The following PHC3 variants were observed in gnomAD, a reference collection of about 807,000 sequenced individuals.
The protein encoded by PHC3 is polyhomeotic homolog 3.
PHC3 carries 13 observed loss-of-function variants against 107.4 expected under a neutral mutation model. The ratio of observed to expected loss-of-function variants is 0.12; its 90% CI spans 0.08 to 0.19. The LOEUF is 0.19. Ranked by LOEUF, PHC3 falls within the 10% of genes least tolerant of loss-of-function variation. The pLI, the probability that PHC3 is intolerant of heterozygous loss-of-function variation, is 1.00. For synonymous variants in PHC3, 456 were observed against 427.4 expected (o/e 1.07, Z -0.83); for missense variants, 992 against 1,210.9 (o/e 0.82, Z 2.68).
At chr3:170,158,791 G>A (rs979665713) in intron 4 of PHC3, among the ~76,000 whole-genome samples, 1 of 151,646 alleles carries the variant, frequency 6.6e-6, no homozygotes, top group Non-Finnish European at 1.5e-5. Context: ...GTCAGGTGTG[G>A]TGGCACACGA....
intron 6 of PHC3, among the ~76,000 whole-genome samples, chr3:170,140,167 A>G (rs1723799739): frequency 6.7e-6 from 1 of 149,594 alleles, no homozygotes; most frequent in Admixed American, 6.6e-5. Flanking sequence ...TTTTTTCCTC[A>G]ATTCTAAGAG....
chr3:170,155,491 C>A (rs1288552148), intron 4 of PHC3, among the ~76,000 whole-genome samples: 1 of 152,152 alleles, frequency 6.6e-6, no homozygotes, highest in African/African-American at 2.4e-5. Flanking sequence ...GAAGCTGAGA[C>A]AGGTGGATAG....
chr3:170,156,103 C>T (rs771277809), intron 4 of PHC3, among the ~76,000 whole-genome samples: 7 of 152,024 alleles, frequency 4.6e-5, no homozygotes, highest in African/African-American at 9.7e-5. Flanking sequence ...GAGTAAAATG[C>T]TATATAGAAA....
chr3:170,163,427 T>C (rs1728215884), intron 4 of PHC3, among the ~76,000 whole-genome samples: 1 of 151,734 alleles, frequency 6.6e-6, no homozygotes, highest in Non-Finnish European at 1.5e-5. Flanking sequence ...CACATAATCC[T>C]TTCCATCTGA....
chr3:170,167,038 T>G (rs976403170), intron 4 of PHC3, among the ~76,000 whole-genome samples: 5 of 152,262 alleles, frequency 3.3e-5, no homozygotes, highest in Non-Finnish European at 7.3e-5. Flanking sequence ...CCACTAATAG[T>G]GTATGAGTAT....
intron 8 of PHC3, among the ~76,000 whole-genome samples, chr3:170,125,228 T>C (rs1354962852): frequency 6.6e-6 from 1 of 152,088 alleles, no homozygotes; most frequent in Non-Finnish European, 1.5e-5. Context: ...GATCGGTTCA[T>C]GATAATAACA....
chr3:170,146,636 G>T (rs1202052933), intron 5 of PHC3, among the ~76,000 whole-genome samples: 4 of 147,480 alleles, frequency 2.7e-5, no homozygotes, highest in Non-Finnish European at 4.5e-5. Flanking sequence ...GGGTTCAAGC[G>T]ATTCTCCTGC....
At position 170,136,031 on chromosome 3, in the gene PHC3, T is replaced by G. The variant is rs189559912; in HGVS notation, c.919+388A>C. 7.2e-5 allele frequency among the ~76,000 whole-genome samples: 11 copies of G among 152,216 alleles called. No individual in the cohort carries two copies. In the East Asian group the frequency reaches 1.9e-3, roughly 27 times the overall value. ...ATCCTATGTTTCAAAGTGACAAATT[T>G]CTCCCACTGATAACAACTTTAAACA... is the stretch of plus-strand genomic sequence containing the variant. On this transcript the variant is annotated intron_variant, in intron 7 of 14. Transcript: ENST00000495893.
intron 3 of PHC3, 130 bp downstream of exon 3, chr3:170,172,427 T>C (rs1729750104): frequency 2.1e-6 from 2 of 969,174 alleles, no homozygotes; most frequent in Non-Finnish European, 3.0e-6. Context: ...AACCTATTAA[T>C]ATATTTCCTC....
At chr3:170,136,249 G>C (rs1723056145) in intron 7 of PHC3, 170 bp downstream of exon 7, 1 of 696,638 alleles carries the variant, frequency 1.4e-6, no homozygotes, top group South Asian at 2.2e-5. Context: ...TTTATCTTTT[G>C]GGCTTTTTTG....
At chr3:170,171,178 T>C (rs1031009490) in intron 4 of PHC3, 195 bp downstream of exon 4, 4 of 572,360 alleles carry the variant, frequency 7.0e-6, no homozygotes, top group Non-Finnish European at 1.2e-5. Context: ...AAAAGATTTT[T>C]TTAAGACTCA....
intron 9 of PHC3, among the ~76,000 whole-genome samples, chr3:170,121,151 T>C (rs1382697051): frequency 6.6e-6 from 1 of 152,126 alleles, no homozygotes; most frequent in Non-Finnish European, 1.5e-5. Context: ...CATTCAGAAA[T>C]GTAAAAGCCA....
chr3:170,161,665 G>A (rs746562059), intron 4 of PHC3, among the ~76,000 whole-genome samples: 3 of 152,190 alleles, frequency 2.0e-5, no homozygotes, highest in Non-Finnish European at 4.4e-5. Context: ...TCCATGGCCT[G>A]ACCCCTGACT....
Position 170,177,448 on chromosome 3 carries a change from C to A in PHC3, c.180+1325G>T, listed in dbSNP as rs192564263. On this transcript the variant is annotated intron_variant, in intron 2 of 14. Transcript: ENST00000495893. Reference sequence around the variant, plus strand: ...GTGGCGCTATCTTGGCTCACTGCAACCTCTGCCGCCAGGGTTCAAGTGATA... The same window carrying A: ...GTGGCGCTATCTTGGCTCACTGCAAACTCTGCCGCCAGGGTTCAAGTGATA... Among the ~76,000 whole-genome samples, 15 of 152,218 alleles carry A rather than the reference C, an allele frequency of 9.9e-5. No homozygotes were observed. The South Asian group carries it at 1.2e-3, about 13-fold the overall frequency.
At chr3:170,128,617 T>C (rs2047695149) in intron 8 of PHC3, 67 bp downstream of exon 8, 26 of 1,513,888 alleles carry the variant, frequency 1.7e-5, no homozygotes, top group Middle Eastern at 2.0e-4. Flanking sequence ...CAATAAAACA[T>C]AGTGTGGGAA....
intron 2 of PHC3, among the ~76,000 whole-genome samples, chr3:170,175,812 T>G (rs1730343512): frequency 6.6e-6 from 1 of 151,492 alleles, no homozygotes; most frequent in African/African-American, 2.4e-5. Flanking sequence ...TAGTCCCAGC[T>G]ACTCAGGAGG....
In PHC3 at chr3:170,152,484, C is replaced by T. The variant is rs181541788; in HGVS notation, c.415-3240G>A. Among the ~76,000 whole-genome samples the T allele has an allele frequency of 1.6e-3, 236 of 151,880 alleles. 1 individual carries two copies. The highest frequency in any genetic ancestry group is 5.4e-3 in the African/African-American group (224 of 41,422). ...TACAGGCGTGAGCCACCGTGCCCAG[C>T]CTATTCTGTAATTTAGATCCTATTC... On this transcript the variant is annotated intron_variant, in intron 4 of 14. Coordinates refer to ENST00000495893, the MANE Select transcript of PHC3 (RefSeq NM_024947.4).
chr3:170,166,424 T>C (rs1577243017), intron 4 of PHC3, among the ~76,000 whole-genome samples: 1 of 152,334 alleles, frequency 6.6e-6, no homozygotes, highest in East Asian at 1.9e-4. Flanking sequence ...TCTTGCTTCT[T>C]ACACTCAATA....
intron 6 of PHC3, among the ~76,000 whole-genome samples, chr3:170,139,533 A>AC (rs1723689662): frequency 6.6e-6 from 1 of 152,166 alleles, no homozygotes; most frequent in African/African-American, 2.4e-5. Flanking sequence ...GACACAATGA[A>AC]CCCGAAACCT....
Sources: allele counts gnomAD v4.1 joint callset (sites outside exome capture counted in the v4.1 genomes callset), GRCh38; gene constraint gnomAD v4.1.1; transcripts MANE v1.5; gene names NCBI Gene and HGNC (gene_info 2026-07-23, HGNC 2026-07-21).